PEPD: variants seen among roughly 807,000 people sequenced by gnomAD.
PEPD encodes the protein peptidase D.
PEPD carries 53 observed loss-of-function variants against 60.7 expected under a neutral mutation model. The observed-to-expected ratio is 0.87, with a 90% confidence interval of 0.70 to 1.10. The LOEUF is 1.10. Among genes scored for constraint, PEPD ranks in the 50% least tolerant of loss-of-function variants. The pLI, the probability that PEPD is intolerant of heterozygous loss-of-function variation, is 0.00. For synonymous variants in PEPD, 267 were observed against 284.1 expected, an observed-to-expected ratio of 0.94 and a Z score of 0.60; for missense variants, 711 against 711.9, an observed-to-expected ratio of 1.00 and a Z score of 0.01.
At chr19:33,505,858 C>T (rs1970791496) in intron 3 of PEPD, among the ~76,000 whole-genome samples, 1 of 133,876 alleles carries the variant, frequency 7.5e-6, no homozygotes, top group South Asian at 2.8e-4. Context: ...CATACTCACA[C>T]CCACCACACC....
At chr19:33,425,716 G>A (rs563115690) in intron 9 of PEPD, among the ~76,000 whole-genome samples, 3 of 152,304 alleles carry the variant, frequency 2.0e-5, no homozygotes, top group South Asian at 2.1e-4. Flanking sequence ...GAAAGAAAAC[G>A]ATTAAGCAGA....
At chr19:33,431,064 C>T (rs1025358096) in intron 9 of PEPD, among the ~76,000 whole-genome samples, 45 of 151,720 alleles carry the variant, frequency 3.0e-4, no homozygotes, top group African/African-American at 9.9e-4. Flanking sequence ...GAGCTATGAT[C>T]GCACCACTGC....
At chr19:33,433,076 C>G (rs1969306483) in intron 9 of PEPD, among the ~76,000 whole-genome samples, 1 of 152,320 alleles carries the variant, frequency 6.6e-6, no homozygotes, top group African/African-American at 2.4e-5. Context: ...GCCAGTGGTC[C>G]CCAGGGCCCC....
At chr19:33,403,837 G>A (rs1242590964) in intron 11 of PEPD, among the ~76,000 whole-genome samples, 2 of 152,178 alleles carry the variant, frequency 1.3e-5, no homozygotes, top group Non-Finnish European at 2.9e-5. Flanking sequence ...CTCTCAGGCT[G>A]GGGGGAGGAG....
At chr19:33,390,659 A>C (rs1398067569) in intron 13 of PEPD, among the ~76,000 whole-genome samples, 1 of 152,044 alleles carries the variant, frequency 6.6e-6, no homozygotes, top group Non-Finnish European at 1.5e-5. Flanking sequence ...GGCCTCCCCA[A>C]GCCTCACTTA....
chr19:33,432,708 G>A (rs17760934), intron 9 of PEPD, among the ~76,000 whole-genome samples: 13,741 of 152,264 alleles, frequency 0.09, 652 homozygotes, highest in Middle Eastern at 0.13. Context: ...AAAACATTAC[G>A]TTCGCCAAAT....
chr19:33,418,591 C>T (rs1437520296), intron 9 of PEPD, among the ~76,000 whole-genome samples: 1 of 152,230 alleles, frequency 6.6e-6, no homozygotes, highest in African/African-American at 2.4e-5. Flanking sequence ...GGCGCCCAAG[C>T]CCTACCCTTG....
At chr19:33,469,283 G>A (rs1213542080) in intron 7 of PEPD, among the ~76,000 whole-genome samples, 1 of 152,156 alleles carries the variant, frequency 6.6e-6, no homozygotes, top group Non-Finnish European at 1.5e-5. Flanking sequence ...CCTGCTCCAG[G>A]AGCACTGAGC....
chr19:33,491,721 G>A (rs1568499354), intron 5 of PEPD, among the ~76,000 whole-genome samples: 2 of 152,160 alleles, frequency 1.3e-5, no homozygotes, highest in African/African-American at 4.8e-5. Flanking sequence ...GGCAAAGGTA[G>A]AGGGGGAGAA....
rs189549581 is a variant in PEPD at position 33,387,460 on chromosome 19, C to T, written c.1366G>A (p.Val456Met). 33 of 1,613,846 alleles carry T rather than the reference C, an allele frequency of 2.0e-5. No homozygotes were observed. The highest frequency in any genetic ancestry group is 2.0e-4 in the East Asian group (9 of 44,876). ...FGGVRIEEDVVVTDSGIELLT... is the reference protein window; with the variant it reads ...FGGVRIEEDVMVTDSGIELLT... ...AGCTCTATGCCGCTGTCAGTCACCACGACGTCCTCCTCGATGCGGACCTGG... is the reference window on the plus strand; with the variant it reads ...AGCTCTATGCCGCTGTCAGTCACCATGACGTCCTCCTCGATGCGGACCTGG... The change falls in exon 15 of 15, where the codon GTG (valine) becomes ATG (methionine). Residue 456 changes from valine (V) to methionine (M), a missense_variant. Physicochemically the swap from Val to Met is conservative, Grantham distance 21. Transcript: ENST00000244137.
At chr19:33,490,550 C>T (rs1168457987) in intron 5 of PEPD, among the ~76,000 whole-genome samples, 2 of 152,242 alleles carry the variant, frequency 1.3e-5, no homozygotes, top group Admixed American at 1.3e-4. Context: ...GGAGACATCC[C>T]TCTCTTAACT....
In PEPD at chr19:33,463,969, A is replaced by G. The variant is rs1332403999; in HGVS notation, c.624+18T>C. ...AACACTGCTTTCCCCACTCAACCAG[A>G]GCCGGTGCCTGACTTACCTCACGGT... On this transcript the variant is annotated intron_variant, in intron 8 of 14. Coordinates refer to ENST00000244137, the MANE Select transcript of PEPD (RefSeq NM_000285.4). The G allele has an allele frequency of 6.4e-7, 1 of 1,570,168 alleles. No individual in the cohort carries two copies. Among genetic ancestry groups the G allele is most frequent in the East Asian group, 2.2e-5 (1 of 44,610 alleles).
chr19:33,463,102 A>G, intron 8 of PEPD, 61 bp from the exon 9 acceptor site: 1 of 994,738 alleles, frequency 1.0e-6, no homozygotes, highest in Non-Finnish European at 1.6e-6. Context: ...ACAGCGTGAT[A>G]AATAACATAC....
chr19:33,449,591 G>A (rs542229128), intron 9 of PEPD, among the ~76,000 whole-genome samples: 1 of 152,302 alleles, frequency 6.6e-6, no homozygotes, highest in East Asian at 1.9e-4. Context: ...TGGTGCGCAA[G>A]TGGACATCAT....
intron 9 of PEPD, among the ~76,000 whole-genome samples, chr19:33,454,141 A>G (rs1348054179): frequency 6.6e-6 from 1 of 152,188 alleles, no homozygotes. Context: ...TGCAACCCGC[A>G]ATGCCAGAAA....
Position 33,464,064 on chromosome 19 carries a change from T to A in PEPD, c.549-2A>T. ...TCCATATCCGTCTTAAACACTCGGC[T>A]TCAGAGACAGAAGAACAAAGCAGCA... On this transcript the variant is annotated splice_acceptor_variant, in intron 7 of 14. Coordinates refer to ENST00000244137, the MANE Select transcript of PEPD (RefSeq NM_000285.4). LOFTEE classifies it high-confidence loss of function. The A allele has an allele frequency of 6.2e-7, 1 of 1,610,160 alleles. No homozygotes were observed. Among genetic ancestry groups the A allele is most frequent in the Non-Finnish European group, 8.5e-7 (1 of 1,176,626 alleles).
chr19:33,422,727 T>C lies in PEPD; in HGVS notation c.672-9084A>G, dbSNP rs1011839104. Among the ~76,000 whole-genome samples the C allele has an allele frequency of 1.5e-4, 22 of 151,716 alleles. 1 individual carries two copies. Among genetic ancestry groups the C allele is most frequent in the Non-Finnish European group, 1.8e-4 (12 of 67,904 alleles). ...ATCCATCTACCCATCTATCCATCCATCCCTCTATCAATCATCTATTTCTGT... is the reference window on the plus strand; with the variant it reads ...ATCCATCTACCCATCTATCCATCCACCCCTCTATCAATCATCTATTTCTGT... On this transcript the variant is annotated intron_variant, in intron 9 of 14. Transcript: ENST00000244137.
At chr19:33,467,566 C>T (rs945275549) in intron 7 of PEPD, among the ~76,000 whole-genome samples, 7 of 152,094 alleles carry the variant, frequency 4.6e-5, no homozygotes, top group Admixed American at 6.5e-5. Flanking sequence ...GGAAAGTTCA[C>T]GGAGCAAGAA....
At chr19:33,444,640 C>A (rs1969557348) in intron 9 of PEPD, among the ~76,000 whole-genome samples, 2 of 150,712 alleles carry the variant, frequency 1.3e-5, no homozygotes, top group African/African-American at 4.9e-5. Flanking sequence ...ACCAGTCTGC[C>A]CCCATGGTAG....
Sources: gnomAD v4.1 joint callset for allele counts (sites outside exome capture counted in the v4.1 genomes callset) on GRCh38, gnomAD v4.1.1 for gene constraint, MANE v1.5 for transcripts, NCBI Gene and HGNC (gene_info 2026-07-23, HGNC 2026-07-21) for gene names.